The following BRCA2 variants were observed in gnomAD, a reference collection of about 807,000 sequenced individuals.
BRCA2 encodes the protein BRCA2 DNA repair associated.
Under a neutral mutation model 276.7 loss-of-function variants are expected in BRCA2, and 203 were observed. The observed-to-expected ratio is 0.73, with a 90% CI of 0.65 to 0.82. The LOEUF is 0.82. Ranked by LOEUF, BRCA2 falls within the 40% of genes least tolerant of loss-of-function variation. The probability of loss-of-function intolerance (pLI) is 0.00; values close to 1 mark genes in which losing one functional copy is unlikely to be tolerated. For missense variants in BRCA2, 3,920 were observed against 3,915.0 expected (o/e 1.00, Z -0.03); for synonymous variants, 1,289 against 1,338.4 (o/e 0.96, Z 0.81).
chr13:32,354,214 C>G (rs764754263), intron 13 of BRCA2, among the ~76,000 whole-genome samples: 1 of 152,064 alleles, frequency 6.6e-6, no homozygotes, highest in Non-Finnish European at 1.5e-5. Context: ...TCATTAACAA[C>G]TTTATTGAGA....
rs1322296192 is a variant in BRCA2, at chr13:32,350,993, CTG to C, written c.7008-3864_7008-3863del. 1.2e-4 allele frequency among the ~76,000 whole-genome samples: 19 copies of C among 152,268 alleles called. 1 individual carries two copies. The East Asian group carries it at 2.7e-3, about 22-fold the overall frequency. The stretch of plus-strand genomic sequence containing the variant: ...GTTTGTAAACGCACCGGTCAGCACT[CTG>C]TGTCTAGCTAAAGGTTTGTAAATGC... On this transcript the variant is annotated intron_variant, in intron 13 of 26. Coordinates refer to ENST00000380152, the MANE Select transcript of BRCA2 (RefSeq NM_000059.4).
intron 3 of BRCA2, 113 bp from the exon 4 acceptor site, chr13:32,324,963 A>G (rs928238003): frequency 1.5e-4 from 113 of 751,658 alleles, no homozygotes; most frequent in Admixed American, 8.7e-4. Context: ...ACAACTCCCT[A>G]TACATTCTCA....
At chr13:32,356,142 A>G (rs1459615032) in intron 14 of BRCA2, among the ~76,000 whole-genome samples, 1 of 151,498 alleles carries the variant, frequency 6.6e-6, no homozygotes, top group African/African-American at 2.4e-5. Context: ...TCCCGAGTTC[A>G]AGTGATTCTC....
chr13:32,367,061 T>C (rs1291797603), intron 18 of BRCA2, among the ~76,000 whole-genome samples: 1 of 152,150 alleles, frequency 6.6e-6, no homozygotes, highest in Non-Finnish European at 1.5e-5. Context: ...CAAACACTAC[T>C]AGTGTCATGT....
chr13:32,350,709 C>T (rs1347050121), intron 13 of BRCA2, among the ~76,000 whole-genome samples: 5 of 151,794 alleles, frequency 3.3e-5, no homozygotes, highest in African/African-American at 1.2e-4. Context: ...GCCGAGATTG[C>T]ACCACTGCAC....
At chr13:32,379,604 T>C in intron 22 of BRCA2, 89 bp downstream of exon 22, 16 of 1,536,352 alleles carry the variant, frequency 1.0e-5, no homozygotes, top group Non-Finnish European at 1.4e-5. Flanking sequence ...AGATAAAGTA[T>C]AAAGTTAGTT....
intron 18 of BRCA2, among the ~76,000 whole-genome samples, chr13:32,364,797 A>G (rs1337565397): frequency 2.6e-5 from 4 of 152,148 alleles, no homozygotes; most frequent in African/African-American, 4.8e-5. Flanking sequence ...ACCTCTTCAT[A>G]TGCTTACTCC....
Position 32,363,984 on chromosome 13 carries a change from C to T in BRCA2, c.8331+451C>T, listed in dbSNP as rs763692187. Among the ~76,000 whole-genome samples, 93 of 152,196 alleles carry T rather than the reference C, an allele frequency of 6.1e-4. 1 individual carries two copies. The highest frequency in any genetic ancestry group is 6.2e-4 in the South Asian group (3 of 4,820). On this transcript the variant is annotated intron_variant, in intron 18 of 26. Coordinates refer to ENST00000380152, the MANE Select transcript of BRCA2 (RefSeq NM_000059.4). ...CTGCAGTATTGCTATCTGAAATTACCGATAATATTGTACATTCAGATTCAC... is the reference window on the plus strand; with the variant it reads ...CTGCAGTATTGCTATCTGAAATTACTGATAATATTGTACATTCAGATTCAC...
chr13:32,358,229 A>T (rs950584396), intron 16 of BRCA2, among the ~76,000 whole-genome samples: 1 of 152,266 alleles, frequency 6.6e-6, no homozygotes. Context: ...TAATCCCAGC[A>T]CTTTGGGAGG....
rs1555282435 is a variant in BRCA2, at chr13:32,336,445, AACT to A, written c.2093_2095del (p.Leu698del). ...AAAGAAGCAAAATGTAATAAGGAAA[AACT>A]ACAGTTATTTATTACCCCAGAAGCT... is the stretch of plus-strand genomic sequence containing the variant. On this transcript the variant is annotated inframe_deletion, in exon 11 of 27. Transcript: ENST00000380152. The A allele has an allele frequency of 6.2e-7, 1 of 1,613,928 alleles. No homozygotes were observed. The highest frequency in any genetic ancestry group is 8.5e-7 in the Non-Finnish European group (1 of 1,179,902).
At chr13:32,380,854 A>G (rs2072920424) in intron 24 of BRCA2, among the ~76,000 whole-genome samples, 1 of 152,038 alleles carries the variant, frequency 6.6e-6, no homozygotes. Flanking sequence ...TCAAGCTTTT[A>G]TTTTATTGAA....
In BRCA2 at chr13:32,333,442, T is replaced by G. The variant is rs914526217; in HGVS notation, c.1909+55T>G. Reference sequence around the variant, plus strand: ...GTACATATAGTTTTATAGATGACGATTCCTTCTGTGTTTTTTTCTGCTTTT... The same window carrying G: ...GTACATATAGTTTTATAGATGACGAGTCCTTCTGTGTTTTTTTCTGCTTTT... On this transcript the variant is annotated intron_variant, in intron 10 of 26. Coordinates refer to ENST00000380152, the MANE Select transcript of BRCA2 (RefSeq NM_000059.4). 3.0e-5 allele frequency: 46 copies of G among 1,554,170 alleles called. No homozygotes were observed. The African/African-American group carries it at 5.3e-4, about 18-fold the overall frequency.
At chr13:32,348,886 A>C (rs1039821919) in intron 13 of BRCA2, among the ~76,000 whole-genome samples, 5 of 152,234 alleles carry the variant, frequency 3.3e-5, no homozygotes, top group Admixed American at 6.5e-5. Flanking sequence ...AAAATAAAGC[A>C]GTACCTGCAT....
chr13:32,364,389 T>C (rs1051360880), intron 18 of BRCA2, among the ~76,000 whole-genome samples: 5 of 152,218 alleles, frequency 3.3e-5, no homozygotes, highest in African/African-American at 1.2e-4. Context: ...TTGACTATTT[T>C]TTAGCTTGTA....
At position 32,325,062 on chromosome 13, in the gene BRCA2, T is replaced by C. The variant is rs1213218563; in HGVS notation, c.317-14T>C. Reference sequence around the variant, plus strand: ...GAGTATATACATTCTCACTGAATTATTGTACTGTTTCAGGAAGGAATGTTC... The same window carrying C: ...GAGTATATACATTCTCACTGAATTACTGTACTGTTTCAGGAAGGAATGTTC... On this transcript the variant is annotated splice_polypyrimidine_tract_variant and intron_variant, in intron 3 of 26. Transcript: ENST00000380152. 1 of 1,506,082 alleles carries C rather than the reference T, an allele frequency of 6.6e-7. No homozygotes were observed. The highest frequency in any genetic ancestry group is 9.2e-7 in the Non-Finnish European group (1 of 1,082,398). 93.3% of individuals were successfully genotyped at this position (1,506,082 alleles called of 1,614,324 possible).
chr13:32,327,059 C>T (rs563069825), intron 7 of BRCA2, among the ~76,000 whole-genome samples: 1 of 152,358 alleles, frequency 6.6e-6, no homozygotes, highest in South Asian at 2.1e-4. Context: ...AGTGTAATTA[C>T]ACAACTATGT....
At chr13:32,330,420 C>T (rs1456139045) in intron 8 of BRCA2, among the ~76,000 whole-genome samples, 1 of 152,170 alleles carries the variant, frequency 6.6e-6, no homozygotes, top group East Asian at 1.9e-4. Context: ...TTAAAGGAAG[C>T]ACTTTATGGC....
intron 4 of BRCA2, 83 bp from the exon 5 acceptor site, chr13:32,326,018 A>G: frequency 8.3e-7 from 1 of 1,207,892 alleles, no homozygotes; most frequent in Non-Finnish European, 1.2e-6. Context: ...TATATGAATG[A>G]GAATCTTCTT....
At chr13:32,331,576 A>T (rs2072391784) in intron 9 of BRCA2, among the ~76,000 whole-genome samples, 1 of 152,194 alleles carries the variant, frequency 6.6e-6, no homozygotes, top group Non-Finnish European at 1.5e-5. Context: ...GGAAAAAAAG[A>T]GAAACTAATT....
Sources: allele counts gnomAD v4.1 joint callset (sites outside exome capture counted in the v4.1 genomes callset), GRCh38; gene constraint gnomAD v4.1.1; transcripts MANE v1.5; gene names NCBI Gene and HGNC (gene_info 2026-07-23, HGNC 2026-07-21).